The following LRMDA variants were observed in gnomAD, a reference collection of about 807,000 sequenced individuals.
LRMDA encodes leucine-rich melanocyte differentiation-associated protein.
In LRMDA, 18 loss-of-function variants were observed where a neutral mutation model predicts 29.8. The ratio of observed to expected loss-of-function variants is 0.60; its 90% CI spans 0.42 to 0.90. The LOEUF (loss-of-function observed/expected upper bound fraction) is 0.90. Ranked by LOEUF, LRMDA falls within the 40% of genes least tolerant of loss-of-function variation. The probability of loss-of-function intolerance (pLI) is 0.00; values close to 1 mark genes in which losing one functional copy is unlikely to be tolerated. For missense variants in LRMDA, 273 were observed against 273.9 expected (o/e 1.00, Z 0.02); for synonymous variants, 125 against 109.4 (o/e 1.14, Z -0.89).
chr10:75,627,553 T>G (rs1199975127), intron 2 of LRMDA, among the ~76,000 whole-genome samples: 3 of 152,140 alleles, frequency 2.0e-5, no homozygotes, highest in Non-Finnish European at 2.9e-5. Flanking sequence ...TCAAACACAG[T>G]CCATACAGAC....
intron 5 of LRMDA, among the ~76,000 whole-genome samples, chr10:76,172,040 G>A (rs552055970): frequency 3.9e-5 from 6 of 152,216 alleles, no homozygotes; most frequent in South Asian, 2.1e-4. Context: ...GATCACATGC[G>A]AGAGAGGAAG....
chr10:76,073,555 G>A (rs543199189), intron 5 of LRMDA, among the ~76,000 whole-genome samples: 1 of 152,270 alleles, frequency 6.6e-6, no homozygotes, highest in South Asian at 2.1e-4. Flanking sequence ...TGTATGTGCA[G>A]GGTATGTGTG....
chr10:75,887,933 C>A (rs1262155526), intron 2 of LRMDA, among the ~76,000 whole-genome samples: 1 of 152,176 alleles, frequency 6.6e-6, no homozygotes, highest in Non-Finnish European at 1.5e-5. Flanking sequence ...ATGAAATTAA[C>A]CACCTCTGGA....
chr10:75,760,421 G>C (rs577706467), intron 2 of LRMDA, among the ~76,000 whole-genome samples: 1 of 152,212 alleles, frequency 6.6e-6, no homozygotes, highest in Non-Finnish European at 1.5e-5. Context: ...AAGGGCAGCT[G>C]GGGAAGACCA....
chr10:75,571,908 A>G (rs1840442005), intron 2 of LRMDA, among the ~76,000 whole-genome samples: 1 of 152,092 alleles, frequency 6.6e-6, no homozygotes. Context: ...TTTAGTCTTT[A>G]GATCTAGAAT....
chr10:76,460,796 ACTCTAAGATG>A (rs1842504264), intron 6 of LRMDA, among the ~76,000 whole-genome samples: 1 of 151,926 alleles, frequency 6.6e-6, no homozygotes, highest in Non-Finnish European at 1.5e-5. Context: ...CTATTTGTGG[ACTCTAAGATG>A]CATTGCAGAG....
chr10:76,380,027 T>C (rs4746390), intron 6 of LRMDA, among the ~76,000 whole-genome samples: 139,379 of 152,264 alleles, frequency 0.92, 64,489 homozygotes, highest in Non-Finnish European at 0.96. Flanking sequence ...TTTGAGAGTT[T>C]CTCTTGGTAT....
At chr10:75,743,277 G>T (rs1842851850) in intron 2 of LRMDA, among the ~76,000 whole-genome samples, 1 of 152,146 alleles carries the variant, frequency 6.6e-6, no homozygotes, top group Non-Finnish European at 1.5e-5. Context: ...AATTACTGAG[G>T]TTTGACTCCA....
chr10:75,875,456 G>A (rs1463406691), intron 2 of LRMDA, among the ~76,000 whole-genome samples: 3 of 151,328 alleles, frequency 2.0e-5, no homozygotes, highest in Admixed American at 6.6e-5. Context: ...TTTTTGAGAC[G>A]CAGATTCACT....
intron 5 of LRMDA, among the ~76,000 whole-genome samples, chr10:76,231,404 A>G (rs1189664463): frequency 6.6e-6 from 1 of 152,220 alleles, no homozygotes; most frequent in Non-Finnish European, 1.5e-5. Flanking sequence ...TGCTTTGTTG[A>G]TAGTACTTGT....
intron 2 of LRMDA, among the ~76,000 whole-genome samples, chr10:75,869,406 T>A (rs1200163080): frequency 6.6e-6 from 1 of 152,194 alleles, no homozygotes; most frequent in African/African-American, 2.4e-5. Flanking sequence ...TGAGGGCACA[T>A]TTCTATATGG....
chr10:76,551,950 C>T (rs1219072658), intron 6 of LRMDA, among the ~76,000 whole-genome samples: 1 of 152,128 alleles, frequency 6.6e-6, no homozygotes, highest in East Asian at 1.9e-4. Context: ...TGGGGGAACC[C>T]TTCATCCCCT....
chr10:75,573,427 A>G (rs546788612), intron 2 of LRMDA, among the ~76,000 whole-genome samples: 1 of 152,152 alleles, frequency 6.6e-6, no homozygotes, highest in African/African-American at 2.4e-5. Context: ...AGAATGTGTG[A>G]TGGATCTTAT....
chr10:76,196,588 T>C (rs1851335211), intron 5 of LRMDA, among the ~76,000 whole-genome samples: 1 of 152,206 alleles, frequency 6.6e-6, no homozygotes, highest in Admixed American at 6.5e-5. Context: ...TGGCTAGTTA[T>C]TATAGAACAG....
chr10:76,437,055 C>A (rs975139532), intron 6 of LRMDA, among the ~76,000 whole-genome samples: 4 of 152,134 alleles, frequency 2.6e-5, no homozygotes, highest in African/African-American at 9.7e-5. Context: ...GGCACAGACC[C>A]AGTGGTCTTT....
chr10:75,778,965 G>A (rs1245256182), intron 2 of LRMDA, among the ~76,000 whole-genome samples: 1 of 152,210 alleles, frequency 6.6e-6, no homozygotes, highest in East Asian at 1.9e-4. Flanking sequence ...GAATGACTGT[G>A]ATCAGAGCAC....
At chr10:76,431,742 C>G (rs188180287) in intron 6 of LRMDA, among the ~76,000 whole-genome samples, 1 of 152,118 alleles carries the variant, frequency 6.6e-6, no homozygotes, top group East Asian at 1.9e-4. Flanking sequence ...TGGTTGTGTC[C>G]CCACCTAATT....
chr10:76,159,282 A>G (rs1034313765), intron 5 of LRMDA, among the ~76,000 whole-genome samples: 1 of 152,176 alleles, frequency 6.6e-6, no homozygotes, highest in Non-Finnish European at 1.5e-5. Flanking sequence ...TAAAAACTTT[A>G]TGAGTGCCAC....
chr10:76,463,917 ATTT>A (rs763472626), intron 6 of LRMDA, among the ~76,000 whole-genome samples: 1 of 112,882 alleles, frequency 8.9e-6, no homozygotes, highest in African/African-American at 3.2e-5. Flanking sequence ...TGCAAAATAA[ATTT>A]TTTTTTTTTT....
Sources: allele counts gnomAD v4.1 joint callset (sites outside exome capture counted in the v4.1 genomes callset), GRCh38; gene constraint gnomAD v4.1.1; transcripts MANE v1.5; gene names NCBI Gene and HGNC (gene_info 2026-07-23, HGNC 2026-07-21).